ZNRF3: variants seen among roughly 807,000 people sequenced by gnomAD.
ZNRF3 encodes the protein zinc and ring finger 3.
ZNRF3 carries 23 observed loss-of-function variants against 72.5 expected under a neutral mutation model. The ratio of observed to expected loss-of-function variants is 0.32; its 90% CI spans 0.23 to 0.45. ZNRF3 has a LOEUF of 0.45. Ranked by LOEUF, ZNRF3 falls within the 20% of genes least tolerant of loss-of-function variation. The probability of loss-of-function intolerance (pLI) is 1.00; values close to 1 mark genes in which losing one functional copy is unlikely to be tolerated. For synonymous variants in ZNRF3, 610 were observed against 545.3 expected (o/e 1.12, Z -1.65); for missense variants, 1,169 against 1,272.1 (o/e 0.92, Z 1.23).
chr22:29,031,613 G>A (rs767838038), intron 2 of ZNRF3: 37 of 985,424 alleles, frequency 3.8e-5, no homozygotes, highest in Non-Finnish European at 4.3e-5. Context: ...TCGAGGAGGA[G>A]GAAAGGAAAA....
At chr22:28,984,130 TTA>T (rs1491584808) in intron 1 of ZNRF3, among the ~76,000 whole-genome samples, 7 of 139,468 alleles carry the variant, frequency 5.0e-5, no homozygotes, top group South Asian at 2.4e-4. Context: ...TTTTTTTTTT[TTA>T]AAAAAAACCT....
At chr22:28,933,706 A>ACCCCCCCCC (rs1569250994) in intron 1 of ZNRF3, among the ~76,000 whole-genome samples, 3 of 59,648 alleles carry the variant, frequency 5.0e-5, no homozygotes, top group Admixed American at 1.8e-4. Flanking sequence ...CTCCTATCAC[A>ACCCCCCCCC]CCCCCACCCC....
chr22:28,962,778 G>A (rs1291862259), intron 1 of ZNRF3, among the ~76,000 whole-genome samples: 3 of 152,224 alleles, frequency 2.0e-5, no homozygotes, highest in African/African-American at 7.2e-5. Flanking sequence ...AGAATGTTCT[G>A]TGTTGTGGTT....
intron 1 of ZNRF3, among the ~76,000 whole-genome samples, chr22:28,908,119 A>G (rs993655575): frequency 6.6e-6 from 1 of 152,244 alleles, no homozygotes; most frequent in Non-Finnish European, 1.5e-5. Flanking sequence ...AGCATGTTTA[A>G]TTTCACATTA....
intron 1 of ZNRF3, among the ~76,000 whole-genome samples, chr22:28,939,210 G>A (rs2034894989): frequency 6.6e-6 from 1 of 151,700 alleles, no homozygotes; most frequent in South Asian, 2.1e-4. Flanking sequence ...CTTGAATTTG[G>A]GAGGCGGAGG....
chr22:28,949,080 A>G (rs1225279232), intron 1 of ZNRF3, among the ~76,000 whole-genome samples: 1 of 151,958 alleles, frequency 6.6e-6, no homozygotes, highest in African/African-American at 2.4e-5. Context: ...TCCGGGTTCA[A>G]TCAATTCTCT....
intron 2 of ZNRF3, chr22:28,992,881 C>T (rs1188174063): frequency 1.3e-5 from 2 of 152,288 alleles, no homozygotes; most frequent in Non-Finnish European, 2.9e-5. Context: ...AAAGTGAGTC[C>T]ACGTGGACTG....
chr22:29,011,109 T>G lies in ZNRF3; in HGVS notation c.426+23908T>G, dbSNP rs574493244. Among the ~76,000 whole-genome samples the G allele has an allele frequency of 3.1e-4, 47 of 152,250 alleles. 1 individual carries two copies. The highest frequency in any genetic ancestry group is 6.3e-4 in the Non-Finnish European group (43 of 68,048). ...TTTTTTGTTTTAAACACATAGAAGG[T>G]TACACAAACATATCTTCCTACTCAG... is the stretch of plus-strand genomic sequence containing the variant. On this transcript the variant is annotated intron_variant, in intron 2 of 8. Coordinates refer to ENST00000544604, the MANE Select transcript of ZNRF3 (RefSeq NM_001206998.2).
intron 1 of ZNRF3, among the ~76,000 whole-genome samples, chr22:28,974,340 A>T (rs1301762692): frequency 6.6e-6 from 1 of 152,156 alleles, no homozygotes; most frequent in Non-Finnish European, 1.5e-5. Flanking sequence ...ACATAGAGCC[A>T]ATTCATGGGA....
intron 1 of ZNRF3, among the ~76,000 whole-genome samples, chr22:28,947,742 C>T (rs1254990369): frequency 1.3e-5 from 2 of 152,206 alleles, no homozygotes; most frequent in African/African-American, 4.8e-5. Context: ...AGGGTAGTTA[C>T]ACTTTTAAAG....
chr22:28,884,136 C>T, intron 1 of ZNRF3, 70 bp downstream of exon 1: 2 of 1,033,570 alleles, frequency 1.9e-6, no homozygotes, highest in African/African-American at 3.4e-5. Context: ...CGCCCGCCGA[C>T]CCCGCCGCGG....
intron 1 of ZNRF3, among the ~76,000 whole-genome samples, chr22:28,935,901 CAAG>C (rs1569251883): frequency 6.6e-6 from 1 of 152,168 alleles, no homozygotes; most frequent in African/African-American, 2.4e-5. Context: ...GCATTTGCTT[CAAG>C]AAGTGTTGCC....
chr22:28,949,440 T>C (rs1029527929), intron 1 of ZNRF3, among the ~76,000 whole-genome samples: 1 of 151,852 alleles, frequency 6.6e-6, no homozygotes, highest in African/African-American at 2.4e-5. Flanking sequence ...TGACCAGCTA[T>C]ATTTTTTTAT....
intron 2 of ZNRF3, among the ~76,000 whole-genome samples, chr22:29,028,543 G>A (rs1237094874): frequency 1.3e-5 from 2 of 152,152 alleles, no homozygotes; most frequent in Admixed American, 6.5e-5. Flanking sequence ...ATATGTGTAC[G>A]TATCTCCATT....
intron 1 of ZNRF3, among the ~76,000 whole-genome samples, chr22:28,931,687 A>G (rs1414653659): frequency 6.6e-6 from 1 of 152,190 alleles, no homozygotes; most frequent in Non-Finnish European, 1.5e-5. Context: ...CCGTCTGTCC[A>G]TCTGTGCAAC....
intron 1 of ZNRF3, among the ~76,000 whole-genome samples, chr22:28,938,317 C>T (rs968548190): frequency 5.9e-5 from 9 of 151,650 alleles, no homozygotes; most frequent in African/African-American, 2.2e-4. Flanking sequence ...CATTGTTTTA[C>T]ACCCTTTTAA....
chr22:28,897,371 A>C (rs2034017224), intron 1 of ZNRF3, among the ~76,000 whole-genome samples: 1 of 152,172 alleles, frequency 6.6e-6, no homozygotes, highest in African/African-American at 2.4e-5. Context: ...CCCAGGCTGG[A>C]GTACAGTGAC....
chr22:28,996,824 G>A (rs896956370), intron 2 of ZNRF3, among the ~76,000 whole-genome samples: 11 of 152,298 alleles, frequency 7.2e-5, no homozygotes, highest in South Asian at 4.1e-4. Context: ...CAACCTTGAC[G>A]TAGAACAGGG....
intron 2 of ZNRF3, among the ~76,000 whole-genome samples, chr22:29,039,378 C>T (rs1447747383): frequency 3.3e-5 from 5 of 152,090 alleles, no homozygotes; most frequent in East Asian, 3.9e-4. Flanking sequence ...ACAGGTACCG[C>T]GCTCCTGATC....
Sources: gnomAD v4.1 joint callset for allele counts (sites outside exome capture counted in the v4.1 genomes callset) on GRCh38, gnomAD v4.1.1 for gene constraint, MANE v1.5 for transcripts, NCBI Gene and HGNC (gene_info 2026-07-23, HGNC 2026-07-21) for gene names.